Variants in CACNA2D3 observed in about 807,000 individuals in gnomAD.
The protein encoded by CACNA2D3 is voltage-dependent calcium channel subunit alpha-2/delta-3.
A neutral mutation model predicts 160.6 loss-of-function variants in CACNA2D3; 60 were observed. That is an observed-to-expected ratio of 0.37 (90% confidence interval 0.30 to 0.46). The LOEUF is 0.46. CACNA2D3 is among the 20% of genes least tolerant of loss of function. The pLI is 1.00. For missense variants in CACNA2D3, 1,205 were observed against 1,365.0 expected, an observed-to-expected ratio of 0.88 and a Z score of 1.85; for synonymous variants, 558 against 492.9, an observed-to-expected ratio of 1.13 and a Z score of -1.75.
At chr3:54,783,958 C>A (rs987554680) in intron 13 of CACNA2D3, among the ~76,000 whole-genome samples, 1 of 152,154 alleles carries the variant, frequency 6.6e-6, no homozygotes, top group Non-Finnish European at 1.5e-5. Flanking sequence ...GTAATCACAT[C>A]CTATAATTTA....
chr3:54,245,484 A>G (rs1702055596), intron 2 of CACNA2D3, among the ~76,000 whole-genome samples: 1 of 152,116 alleles, frequency 6.6e-6, no homozygotes. Context: ...TTTTGACCTA[A>G]GGCCAGGCCT....
intron 13 of CACNA2D3, among the ~76,000 whole-genome samples, chr3:54,790,035 G>T (rs1307122105): frequency 6.6e-6 from 1 of 152,132 alleles, no homozygotes; most frequent in Non-Finnish European, 1.5e-5. Context: ...TCCTACTTAG[G>T]TATTTATGTC....
At chr3:54,264,768 A>G (rs1702469319) in intron 2 of CACNA2D3, among the ~76,000 whole-genome samples, 1 of 152,130 alleles carries the variant, frequency 6.6e-6, no homozygotes, top group Non-Finnish European at 1.5e-5. Flanking sequence ...TTTACTTTTT[A>G]GTCAGTTGAT....
At chr3:54,564,994 G>A (rs1236516794) in intron 6 of CACNA2D3, among the ~76,000 whole-genome samples, 2 of 152,084 alleles carry the variant, frequency 1.3e-5, no homozygotes, top group African/African-American at 2.4e-5. Context: ...TTGTCTCACT[G>A]GCAAGTGATC....
intron 15 of CACNA2D3, among the ~76,000 whole-genome samples, chr3:54,837,921 T>A (rs893651561): frequency 6.6e-6 from 1 of 152,164 alleles, no homozygotes; most frequent in African/African-American, 2.4e-5. Flanking sequence ...CCAAATAGCA[T>A]TATATTCTGA....
intron 27 of CACNA2D3, among the ~76,000 whole-genome samples, chr3:54,953,136 T>C (rs1204927903): frequency 2.0e-5 from 3 of 152,232 alleles, no homozygotes; most frequent in Non-Finnish European, 4.4e-5. Context: ...GGGTGACATT[T>C]ACTGAATATT....
chr3:54,799,386 A>G (rs995292519), intron 13 of CACNA2D3, among the ~76,000 whole-genome samples: 1 of 152,202 alleles, frequency 6.6e-6, no homozygotes, highest in Non-Finnish European at 1.5e-5. Context: ...CACTGCAGAC[A>G]TGGAGGATGA....
At chr3:54,573,988 T>A (rs1312864249) in intron 8 of CACNA2D3, among the ~76,000 whole-genome samples, 2 of 152,108 alleles carry the variant, frequency 1.3e-5, no homozygotes, top group African/African-American at 4.8e-5. Context: ...GCGACCCAAC[T>A]GCAGGTTCTT....
At chr3:55,023,714 A>G (rs1703507408) in intron 35 of CACNA2D3, among the ~76,000 whole-genome samples, 1 of 152,050 alleles carries the variant, frequency 6.6e-6, no homozygotes, top group Non-Finnish European at 1.5e-5. Flanking sequence ...CATGTATCCT[A>G]TTAGTAACGA....
chr3:54,270,960 A>G (rs1702611232), intron 2 of CACNA2D3, among the ~76,000 whole-genome samples: 1 of 152,166 alleles, frequency 6.6e-6, no homozygotes, highest in South Asian at 2.1e-4. Flanking sequence ...GATTTGTTTT[A>G]TGTATTATTT....
intron 4 of CACNA2D3, among the ~76,000 whole-genome samples, chr3:54,449,894 C>T (rs1700278902): frequency 6.6e-6 from 1 of 152,192 alleles, no homozygotes; most frequent in Non-Finnish European, 1.5e-5. Context: ...TGAGAATAGA[C>T]TGATACCCTT....
At chr3:54,193,971 C>T (rs114821793) in intron 2 of CACNA2D3, among the ~76,000 whole-genome samples, 1 of 151,916 alleles carries the variant, frequency 6.6e-6, no homozygotes, top group African/African-American at 2.4e-5. Flanking sequence ...TGGAAGCTGT[C>T]AGAAAAACAA....
chr3:54,381,561 G>A (rs546026756), intron 3 of CACNA2D3, among the ~76,000 whole-genome samples: 4 of 152,192 alleles, frequency 2.6e-5, no homozygotes, highest in East Asian at 1.9e-4. Flanking sequence ...CCGGTTTTCC[G>A]CTTCTGGCCC....
chr3:54,781,018 T>C (rs1180610928), intron 13 of CACNA2D3, among the ~76,000 whole-genome samples: 1 of 152,202 alleles, frequency 6.6e-6, no homozygotes, highest in Non-Finnish European at 1.5e-5. Context: ...TACTAAAATG[T>C]GTGGGTCTTT....
chr3:54,251,088 A>AG (rs1242259333), intron 2 of CACNA2D3, among the ~76,000 whole-genome samples: 1 of 152,306 alleles, frequency 6.6e-6, no homozygotes, highest in East Asian at 1.9e-4. Context: ...GAGAGTGGTC[A>AG]GGGGTTATGT....
At chr3:54,610,181 A>C (rs1158670663) in intron 9 of CACNA2D3, among the ~76,000 whole-genome samples, 1 of 152,144 alleles carries the variant, frequency 6.6e-6, no homozygotes, top group Non-Finnish European at 1.5e-5. Flanking sequence ...TAACTTAATT[A>C]ATTACGTTAG....
At chr3:54,615,922 G>T (rs781251417) in intron 9 of CACNA2D3, among the ~76,000 whole-genome samples, 1 of 152,166 alleles carries the variant, frequency 6.6e-6, no homozygotes, top group Non-Finnish European at 1.5e-5. Flanking sequence ...ACCTTATTGT[G>T]AACTATGCAT....
In CACNA2D3 at chr3:54,687,121, C is replaced by CTTTTTTTTTTTTTTTTTTTT. The variant is rs757838355; in HGVS notation, c.1167+44893_1167+44894insTTTTTTTTTTTTTTTTTTTT. ...AAATCGGATTTTTCTTTTTCTTTTT[C>CTTTTTTTTTTTTTTTTTTTT]TTTTTTTTTTTTTGTTTTTTTTTTT... is the stretch of plus-strand genomic sequence containing the variant. On this transcript the variant is annotated intron_variant, in intron 11 of 37. Coordinates refer to ENST00000474759, the MANE Select transcript of CACNA2D3 (RefSeq NM_018398.3). Among the ~76,000 whole-genome samples, 71 of 94,938 alleles carry CTTTTTTTTTTTTTTTTTTTT rather than the reference C, an allele frequency of 7.5e-4. 11 individuals carry two copies. Among genetic ancestry groups the CTTTTTTTTTTTTTTTTTTTT allele is most frequent in the Non-Finnish European group, 1.0e-3 (49 of 48,070 alleles). The allele number at this position is 94,938 out of a possible 152,430, so 62.3% of individuals were successfully genotyped here. A position where few individuals can be genotyped will look rare whatever the true frequency, so the allele number is the denominator to read the frequency against.
At position 54,319,582 on chromosome 3, in the gene CACNA2D3, A is replaced by T. The variant is rs1430742760; in HGVS notation, c.205-860A>T. Among the ~76,000 whole-genome samples the T allele has an allele frequency of 2.0e-5, 3 of 152,248 alleles. No individual in the cohort carries two copies. In the East Asian group the frequency reaches 5.8e-4, roughly 29 times the overall value. On this transcript the variant is annotated intron_variant, in intron 2 of 37. Transcript: ENST00000474759. Reference sequence around the variant, plus strand: ...TTTGGAAGGTTCCTATTAATAAACAATATTTCCTTCCACTAGGAACAAAAT... The same window carrying T: ...TTTGGAAGGTTCCTATTAATAAACATTATTTCCTTCCACTAGGAACAAAAT...
Sources: gnomAD v4.1 joint callset for allele counts (sites outside exome capture counted in the v4.1 genomes callset) on GRCh38, gnomAD v4.1.1 for gene constraint, MANE v1.5 for transcripts, NCBI Gene and HGNC (gene_info 2026-07-23, HGNC 2026-07-21) for gene names.